The following BNC2 variants were observed in gnomAD, a reference collection of about 807,000 sequenced individuals.
BNC2 encodes basonuclin zinc finger protein 2, also known as zinc finger protein basonuclin-2.
BNC2 carries 20 observed loss-of-function variants against 76.3 expected under a neutral mutation model. The ratio of observed to expected loss-of-function variants is 0.26; its 90% confidence interval spans 0.18 to 0.38. The LOEUF (loss-of-function observed/expected upper bound fraction) is 0.38, where lower values mean the gene tolerates loss of function less well. Ranked by LOEUF, BNC2 falls within the 10% of genes least tolerant of loss-of-function variation. The probability of loss-of-function intolerance (pLI) is 1.00; values close to 1 mark genes in which losing one functional copy is unlikely to be tolerated. For synonymous variants in BNC2, 582 were observed against 514.8 expected (o/e 1.13, Z -1.77); for missense variants, 1,382 against 1,399.8 (o/e 0.99, Z 0.20).
intron 5 of BNC2, among the ~76,000 whole-genome samples, chr9:16,514,699 T>A (rs1467095353): frequency 6.6e-6 from 1 of 152,208 alleles, no homozygotes; most frequent in African/African-American, 2.4e-5. Flanking sequence ...AATAATAACA[T>A]TTTTCTTCTA....
intron 4 of BNC2, among the ~76,000 whole-genome samples, chr9:16,560,705 T>C (rs544434325): frequency 1.8e-4 from 28 of 152,192 alleles, no homozygotes; most frequent in Non-Finnish European, 4.0e-4. Flanking sequence ...CCAGCGTGGA[T>C]GACAGAATGA....
chr9:16,672,980 A>T (rs1822524699), intron 3 of BNC2, among the ~76,000 whole-genome samples: 1 of 152,236 alleles, frequency 6.6e-6, no homozygotes, highest in African/African-American at 2.4e-5. Flanking sequence ...TCCTGAATCA[A>T]ATAGTAAATA....
At chr9:16,738,525 C>T (rs776410658) in intron 1 of BNC2, 40 bp from the exon 2 acceptor site, 2 of 1,608,326 alleles carry the variant, frequency 1.2e-6, no homozygotes, top group Non-Finnish European at 8.5e-7. Context: ...TATGCCCAGA[C>T]AGTATTACTT....
intron 3 of BNC2, among the ~76,000 whole-genome samples, chr9:16,650,402 T>C (rs1821760896): frequency 6.6e-6 from 1 of 152,212 alleles, no homozygotes; most frequent in South Asian, 2.1e-4. Context: ...AAATATTCTG[T>C]TTTTACCTAT....
In BNC2 at chr9:16,730,869, C is replaced by T. The variant is rs180879302; in HGVS notation, c.130-2872G>A. Among the ~76,000 whole-genome samples, 280 of 152,244 alleles carry T rather than the reference C, an allele frequency of 1.8e-3. 2 individuals carry two copies. Among genetic ancestry groups the T allele is most frequent in the Admixed American group, 3.9e-3 (60 of 15,290 alleles). On this transcript the variant is annotated intron_variant, in intron 2 of 6. Coordinates refer to ENST00000380672, the MANE Select transcript of BNC2 (RefSeq NM_017637.6). ...TTAACTACTTTGTAACACAAATTTA[C>T]AAAGAGGACAAGCTCTGTTACAAAA...
chr9:16,676,718 C>T (rs531429679), intron 3 of BNC2, among the ~76,000 whole-genome samples: 1 of 152,292 alleles, frequency 6.6e-6, no homozygotes, highest in South Asian at 2.1e-4. Flanking sequence ...AAGTTAACCG[C>T]AGCAGCGGAA....
chr9:16,693,157 C>T (rs1823229346), intron 3 of BNC2, among the ~76,000 whole-genome samples: 1 of 142,444 alleles, frequency 7.0e-6, no homozygotes, highest in African/African-American at 2.6e-5. Context: ...AAAGACTTCA[C>T]TGGGGGATGA....
chr9:16,590,362 T>C (rs951574506), intron 3 of BNC2, among the ~76,000 whole-genome samples: 3 of 151,970 alleles, frequency 2.0e-5, no homozygotes, highest in African/African-American at 7.2e-5. Context: ...CTGGCTAATT[T>C]TGGTATTTTT....
intron 1 of BNC2, among the ~76,000 whole-genome samples, chr9:16,814,039 A>C (rs1203567138): frequency 6.6e-6 from 1 of 152,186 alleles, no homozygotes; most frequent in Non-Finnish European, 1.5e-5. Flanking sequence ...TATGCAATAT[A>C]TGCTAGAAGC....
chr9:16,453,255 G>C (rs942942348), intron 5 of BNC2, among the ~76,000 whole-genome samples: 1 of 152,098 alleles, frequency 6.6e-6, no homozygotes, highest in Non-Finnish European at 1.5e-5. Context: ...GGAAAACTGA[G>C]GTGCGTCAAA....
At chr9:16,429,959 A>G (rs760563497) in intron 6 of BNC2, 1 of 516,240 alleles carries the variant, frequency 1.9e-6, no homozygotes, top group East Asian at 5.5e-5. Flanking sequence ...TCTCCCCATG[A>G]TACAAGGAGA....
chr9:16,651,353 G>C (rs901172156), intron 3 of BNC2, among the ~76,000 whole-genome samples: 1 of 152,110 alleles, frequency 6.6e-6, no homozygotes, highest in Non-Finnish European at 1.5e-5. Context: ...TCAGCTATAA[G>C]CAAAATCAGA....
chr9:16,849,710 G>A (rs1018595943), intron 1 of BNC2, among the ~76,000 whole-genome samples: 3 of 151,956 alleles, frequency 2.0e-5, no homozygotes, highest in South Asian at 2.1e-4. Context: ...ATACAAATTG[G>A]AAGAAGTTCA....
In BNC2 at chr9:16,712,187, C is replaced by T. The variant is rs994750415; in HGVS notation, c.330+15610G>A. Among the ~76,000 whole-genome samples the T allele has an allele frequency of 3.3e-5, 5 of 152,158 alleles. No individual in the cohort carries two copies. In the East Asian group the frequency reaches 7.7e-4, roughly 23 times the overall value. ...AAAACTATGTCAAGTATAGCTCCCC[C>T]GCTTCAAGTAGCATGATCATTAATT... On this transcript the variant is annotated intron_variant, in intron 3 of 6. Coordinates refer to ENST00000380672, the MANE Select transcript of BNC2 (RefSeq NM_017637.6).
intron 1 of BNC2, among the ~76,000 whole-genome samples, chr9:16,788,544 C>A (rs376581227): frequency 7.0e-6 from 1 of 143,068 alleles, no homozygotes; most frequent in African/African-American, 2.6e-5. Context: ...CAGAGCAACA[C>A]TCCTTCTCAA....
At chr9:16,720,280 T>C (rs926737858) in intron 3 of BNC2, among the ~76,000 whole-genome samples, 1 of 152,160 alleles carries the variant, frequency 6.6e-6, no homozygotes, top group Non-Finnish European at 1.5e-5. Flanking sequence ...TCAATTCTCT[T>C]CTATTAAGGC....
intron 3 of BNC2, among the ~76,000 whole-genome samples, chr9:16,585,461 T>C (rs530949347): frequency 3.5e-4 from 53 of 152,192 alleles, no homozygotes; most frequent in Non-Finnish European, 6.0e-4. Context: ...TTTGTATATC[T>C]ATGAATTCCA....
At chr9:16,686,929 C>G (rs1196243773) in intron 3 of BNC2, among the ~76,000 whole-genome samples, 1 of 152,142 alleles carries the variant, frequency 6.6e-6, no homozygotes, top group Non-Finnish European at 1.5e-5. Context: ...TGTCATCTGT[C>G]TTTGAAGTTT....
intron 5 of BNC2, among the ~76,000 whole-genome samples, chr9:16,500,337 A>G (rs1822491919): frequency 1.3e-5 from 2 of 151,896 alleles, no homozygotes; most frequent in Non-Finnish European, 2.9e-5. Context: ...CTTCTTGCCA[A>G]CTCCTGCATT....
Sources: gnomAD v4.1 joint callset for allele counts (sites outside exome capture counted in the v4.1 genomes callset) on GRCh38, gnomAD v4.1.1 for gene constraint, MANE v1.5 for transcripts, NCBI Gene and HGNC (gene_info 2026-07-23, HGNC 2026-07-21) for gene names.